NEGR1: variants seen among roughly 807,000 people sequenced by gnomAD.
The protein encoded by NEGR1 is neuronal growth regulator 1, also known as IgLON family member 4.
Under a neutral mutation model 40.9 loss-of-function variants are expected in NEGR1, and 10 were observed. That is an observed-to-expected ratio of 0.24 (90% CI 0.15 to 0.42). The LOEUF is 0.42. Ranked by LOEUF, NEGR1 falls within the 10% of genes least tolerant of loss-of-function variation. The pLI is 1.00. For missense variants in NEGR1, 352 were observed against 438.9 expected, an observed-to-expected ratio of 0.80 and a Z score of 1.77; for synonymous variants, 185 against 166.8, an observed-to-expected ratio of 1.11 and a Z score of -0.84.
chr1:71,942,206 A>G (rs531356617), intron 1 of NEGR1, among the ~76,000 whole-genome samples: 1 of 151,138 alleles, frequency 6.6e-6, no homozygotes, highest in Admixed American at 6.6e-5. Flanking sequence ...TATTTTGGAT[A>G]CAAGATTGAA....
chr1:71,880,486 T>C (rs1303566188), intron 2 of NEGR1, among the ~76,000 whole-genome samples: 2 of 152,098 alleles, frequency 1.3e-5, no homozygotes. Flanking sequence ...GGATTTTTAA[T>C]TTGTTGCTCT....
chr1:72,047,116 G>A (rs750241675), intron 1 of NEGR1, among the ~76,000 whole-genome samples: 2 of 151,126 alleles, frequency 1.3e-5, no homozygotes, highest in South Asian at 2.1e-4. Context: ...TCATTTAAAA[G>A]ATTAGTTTTG....
At chr1:72,255,491 T>C (rs1655236145) in intron 1 of NEGR1, among the ~76,000 whole-genome samples, 1 of 152,004 alleles carries the variant, frequency 6.6e-6, no homozygotes, top group African/African-American at 2.4e-5. Flanking sequence ...GACCCTTGTG[T>C]GGTACTTAAG....
At chr1:71,999,384 CT>C (rs1260704676) in intron 1 of NEGR1, among the ~76,000 whole-genome samples, 1 of 151,412 alleles carries the variant, frequency 6.6e-6, no homozygotes, top group Admixed American at 6.6e-5. Flanking sequence ...GAAACATTAC[CT>C]TTCCCCACCC....
chr1:72,222,151 A>G (rs1277109542), intron 1 of NEGR1, among the ~76,000 whole-genome samples: 2 of 152,010 alleles, frequency 1.3e-5, no homozygotes, highest in Non-Finnish European at 2.9e-5. Context: ...CTTCCTTAGC[A>G]CCATGTCAGC....
chr1:71,983,430 A>C (rs1557468065), intron 1 of NEGR1, among the ~76,000 whole-genome samples: 1 of 152,310 alleles, frequency 6.6e-6, no homozygotes, highest in East Asian at 1.9e-4. Context: ...CAAATAAAAT[A>C]GAATTTTTTT....
chr1:71,801,954 G>A (rs770784649), intron 2 of NEGR1, among the ~76,000 whole-genome samples: 3 of 152,166 alleles, frequency 2.0e-5, no homozygotes, highest in Admixed American at 1.3e-4. Context: ...GAACACTAAA[G>A]GTGCTCTGGT....
intron 2 of NEGR1, among the ~76,000 whole-genome samples, chr1:71,891,113 G>T (rs1660851340): frequency 2.8e-4 from 1 of 3,538 alleles, no homozygotes; most frequent in Non-Finnish European, 5.1e-4. Flanking sequence ...ACAAGAGAAA[G>T]CAGGAAAGAT....
chr1:72,248,117 C>G (rs745596627), intron 1 of NEGR1, among the ~76,000 whole-genome samples: 19 of 152,100 alleles, frequency 1.2e-4, no homozygotes, highest in Non-Finnish European at 2.1e-4. Context: ...GACCCAAACA[C>G]CTCTCACCAG....
At chr1:71,937,034 G>C (rs1239508834) in intron 1 of NEGR1, among the ~76,000 whole-genome samples, 1 of 152,186 alleles carries the variant, frequency 6.6e-6, no homozygotes, top group Non-Finnish European at 1.5e-5. Flanking sequence ...TGAACACAGT[G>C]TTTGAGATTG....
At chr1:71,511,720 T>C (rs553010920) in intron 6 of NEGR1, among the ~76,000 whole-genome samples, 3 of 152,352 alleles carry the variant, frequency 2.0e-5, no homozygotes, top group South Asian at 2.1e-4. Flanking sequence ...TGTTCTTTTG[T>C]TAATGTTCTT....
intron 6 of NEGR1, among the ~76,000 whole-genome samples, chr1:71,507,101 C>T (rs1647040137): frequency 6.6e-6 from 1 of 152,188 alleles, no homozygotes; most frequent in South Asian, 2.1e-4. Context: ...TAAAAAGTCT[C>T]CTGCTTCCAG....
At chr1:72,034,060 A>C (rs1331954566) in intron 1 of NEGR1, among the ~76,000 whole-genome samples, 1 of 152,218 alleles carries the variant, frequency 6.6e-6, no homozygotes, top group African/African-American at 2.4e-5. Context: ...GGAAGGTGAA[A>C]CAGGATCTGA....
chr1:71,912,526 G>A (rs1289837123), intron 2 of NEGR1, among the ~76,000 whole-genome samples: 1 of 152,124 alleles, frequency 6.6e-6, no homozygotes, highest in Admixed American at 6.5e-5. Context: ...CATCTTTGAA[G>A]ACCATTATTC....
chr1:71,457,993 C>T (rs748703457), intron 6 of NEGR1, among the ~76,000 whole-genome samples: 16 of 152,238 alleles, frequency 1.1e-4, no homozygotes, highest in Non-Finnish European at 2.9e-5. Context: ...TGAGCCACCA[C>T]GCCTGGCCAG....
intron 1 of NEGR1, among the ~76,000 whole-genome samples, chr1:72,207,551 T>A (rs1352658557): frequency 6.6e-6 from 1 of 151,786 alleles, no homozygotes; most frequent in Non-Finnish European, 1.5e-5. Flanking sequence ...ATTGTTAAAC[T>A]ATAGCTAGTA....
intron 1 of NEGR1, among the ~76,000 whole-genome samples, chr1:72,090,732 T>C (rs1009813940): frequency 6.6e-6 from 1 of 151,956 alleles, no homozygotes; most frequent in African/African-American, 2.4e-5. Flanking sequence ...CGGCAGGCGT[T>C]AGGCCTACTC....
At chr1:71,689,633 A>G (rs1653183612) in intron 4 of NEGR1, among the ~76,000 whole-genome samples, 1 of 152,162 alleles carries the variant, frequency 6.6e-6, no homozygotes, top group African/African-American at 2.4e-5. Context: ...TTGGCAATCC[A>G]TATATTTAAA....
intron 6 of NEGR1, among the ~76,000 whole-genome samples, chr1:71,551,980 T>C (rs1374655797): frequency 6.6e-6 from 1 of 151,506 alleles, no homozygotes; most frequent in Non-Finnish European, 1.5e-5. Flanking sequence ...ACGCTATATA[T>C]TGACAAAGAC....
Sources: gnomAD v4.1 joint callset for allele counts (sites outside exome capture counted in the v4.1 genomes callset) on GRCh38, gnomAD v4.1.1 for gene constraint, MANE v1.5 for transcripts, NCBI Gene and HGNC (gene_info 2026-07-23, HGNC 2026-07-21) for gene names.